The following PRDM10 variants were observed in gnomAD, a reference collection of about 807,000 sequenced individuals.
PRDM10 encodes the protein PR/SET domain 10, also known as PR domain zinc finger protein 10.
PRDM10 carries 65 observed loss-of-function variants against 133.1 expected under a neutral mutation model. The ratio of observed to expected loss-of-function variants is 0.49; its 90% confidence interval spans 0.40 to 0.60. PRDM10 has a LOEUF of 0.60. PRDM10 is among the 20% of genes least tolerant of loss of function. PRDM10 has a pLI of 0.00. For synonymous variants in PRDM10, 582 were observed against 580.4 expected (o/e 1.00, Z -0.04); for missense variants, 1,137 against 1,507.1 (o/e 0.75, Z 4.07).
chr11:129,993,545 T>G (rs142377938), intron 1 of PRDM10, among the ~76,000 whole-genome samples: 1,549 of 152,172 alleles, frequency 0.01, 33 homozygotes, highest in African/African-American at 0.035. Context: ...AGTGCAGTGG[T>G]GCGATCTCGG....
At position 129,985,791 on chromosome 11, in the gene PRDM10, AAAAAAAAAAAAAAAAAAAATAT is replaced by A. The variant is rs1006534974; in HGVS notation, c.-119+16909_-119+16930del. Among the ~76,000 whole-genome samples the A allele has an allele frequency of 3.7e-5, 4 of 109,192 alleles. 1 individual carries two copies. The highest frequency in any genetic ancestry group is 1.6e-4 in the African/African-American group (4 of 25,382). 71.6% of individuals were successfully genotyped at this position (109,192 alleles called of 152,430 possible). On this transcript the variant is annotated intron_variant, in intron 1 of 20. Transcript: ENST00000360871. ...AGACAAACCCTGTCCAAAAAAAAAA[AAAAAAAAAAAAAAAAAAAATAT>A]ATATATATATATATATATATGTATA...
chr11:129,996,100 T>TA (rs1445568888), intron 1 of PRDM10, among the ~76,000 whole-genome samples: 4 of 152,234 alleles, frequency 2.6e-5, no homozygotes, highest in Non-Finnish European at 2.9e-5. Flanking sequence ...GTGAGGGGGC[T>TA]AAAAATCACC....
At chr11:129,982,453 G>A (rs759322571) in intron 1 of PRDM10, among the ~76,000 whole-genome samples, 3 of 151,932 alleles carry the variant, frequency 2.0e-5, no homozygotes, top group Non-Finnish European at 4.4e-5. Context: ...TAGTAGAGAC[G>A]AGGTTTCGCC....
At chr11:129,988,049 A>T (rs528903775) in intron 1 of PRDM10, among the ~76,000 whole-genome samples, 1 of 152,184 alleles carries the variant, frequency 6.6e-6, no homozygotes, top group African/African-American at 2.4e-5. Context: ...TACAACATGG[A>T]TGAACCCTGA....
At chr11:129,934,968 C>G (rs911419386) in intron 9 of PRDM10, 133 bp downstream of exon 9, 9 of 653,434 alleles carry the variant, frequency 1.4e-5, no homozygotes, top group Non-Finnish European at 2.4e-5. Context: ...CAGGTAACAC[C>G]GTTCCCTCAG....
chr11:129,910,244 A>G (rs1002379418), intron 19 of PRDM10, among the ~76,000 whole-genome samples: 2 of 152,206 alleles, frequency 1.3e-5, no homozygotes, highest in Admixed American at 6.5e-5. Flanking sequence ...TCATAGCTAC[A>G]TTTCCTCCAG....
chr11:129,995,675 G>A (rs886879996), intron 1 of PRDM10, among the ~76,000 whole-genome samples: 2 of 152,056 alleles, frequency 1.3e-5, no homozygotes, highest in African/African-American at 2.4e-5. Context: ...GGCAGGGGCC[G>A]TAGCGCACGC....
At chr11:129,984,643 A>G (rs1938311856) in intron 1 of PRDM10, among the ~76,000 whole-genome samples, 1 of 151,584 alleles carries the variant, frequency 6.6e-6, no homozygotes, top group Admixed American at 6.6e-5. Context: ...TGGCACTCAC[A>G]CCCTCTGCAA....
chr11:129,901,358 C>A lies in PRDM10; in HGVS notation c.*955G>T, dbSNP rs1258605032. On this transcript the variant is annotated 3_prime_UTR_variant, in exon 21 of 21. Coordinates refer to ENST00000360871, the MANE Select transcript of PRDM10 (RefSeq NM_199437.2). ...TAATAAAATACACTGAACATGTCAG[C>A]AAGAGTTAAATGTACACTTGGTAAG... 1 of 152,638 alleles carries A rather than the reference C, an allele frequency of 6.6e-6. No homozygotes were observed. Among genetic ancestry groups the A allele is most frequent in the Non-Finnish European group, 1.5e-5 (1 of 68,052 alleles). The allele number at this position is 152,638 out of a possible 1,614,324, so 9.5% of individuals were successfully genotyped here.
chr11:129,906,931 C>T (rs1424774301), intron 19 of PRDM10, among the ~76,000 whole-genome samples: 3 of 151,134 alleles, frequency 2.0e-5, no homozygotes, highest in African/African-American at 7.3e-5. Flanking sequence ...GAGCCAAGAT[C>T]GCACCACTGC....
Position 129,945,137 on chromosome 11 carries a change from T to C in PRDM10, c.521-125A>G. 1 of 1,153,780 alleles carries C rather than the reference T, an allele frequency of 8.7e-7. No homozygotes were observed. Among genetic ancestry groups the C allele is most frequent in the Non-Finnish European group, 1.3e-6 (1 of 799,344 alleles). 71.5% of individuals were successfully genotyped at this position (1,153,780 alleles called of 1,614,324 possible). A position where few individuals can be genotyped will look rare whatever the true frequency, so the allele number is the denominator to read the frequency against. On this transcript the variant is annotated intron_variant, in intron 5 of 20. Coordinates refer to ENST00000360871, the MANE Select transcript of PRDM10 (RefSeq NM_199437.2). This position sits in a 1 kb window ranked among gnomAD's most constrained non-coding sequence, Gnocchi z 4.2. Reference sequence around the variant, plus strand: ...AAGCCAAAATTCAATGAACTCCTAATGGCGCTACCCATTCAACGGTAATAC... The same window carrying C: ...AAGCCAAAATTCAATGAACTCCTAACGGCGCTACCCATTCAACGGTAATAC...
chr11:129,967,750 A>G (rs1338525464), intron 1 of PRDM10, among the ~76,000 whole-genome samples: 1 of 152,178 alleles, frequency 6.6e-6, no homozygotes, highest in Non-Finnish European at 1.5e-5. Flanking sequence ...AGTGATGAAG[A>G]GTGAGGGGAA....
At chr11:129,931,617 G>A (rs573795348) in intron 10 of PRDM10, among the ~76,000 whole-genome samples, 16 of 148,280 alleles carry the variant, frequency 1.1e-4, no homozygotes, top group African/African-American at 3.5e-4. Flanking sequence ...CCCCAGGCTG[G>A]AGTGCAGTGG....
At chr11:129,989,952 C>T (rs1282022901) in intron 1 of PRDM10, among the ~76,000 whole-genome samples, 1 of 152,088 alleles carries the variant, frequency 6.6e-6, no homozygotes, top group African/African-American at 2.4e-5. Flanking sequence ...CCTGTAATCC[C>T]AGCACCTTGA....
chr11:129,973,526 A>G (rs180682786), intron 1 of PRDM10, among the ~76,000 whole-genome samples: 2 of 152,372 alleles, frequency 1.3e-5, no homozygotes, highest in East Asian at 1.9e-4. Flanking sequence ...GTTACACACC[A>G]TCTTTTGATT....
At chr11:129,913,377 T>G (rs984364883) in intron 17 of PRDM10, among the ~76,000 whole-genome samples, 72 of 152,170 alleles carry the variant, frequency 4.7e-4, no homozygotes, top group African/African-American at 1.7e-3. Context: ...TAGAGAAATA[T>G]GCTTCTCACA....
At chr11:129,942,399 A>G (rs745313059) in intron 7 of PRDM10, 27 bp downstream of exon 7, 9 of 1,595,140 alleles carry the variant, frequency 5.6e-6, no homozygotes, top group Non-Finnish European at 7.7e-6. Context: ...GCTAGCAAAT[A>G]GCAGCACGGG....
At chr11:129,972,103 T>C (rs1461246028) in intron 1 of PRDM10, among the ~76,000 whole-genome samples, 1 of 152,234 alleles carries the variant, frequency 6.6e-6, no homozygotes, top group Non-Finnish European at 1.5e-5. Context: ...CAAGGCCGGC[T>C]GGCTGCTCCG....
intron 1 of PRDM10, among the ~76,000 whole-genome samples, chr11:130,002,097 C>G (rs1214853257): frequency 6.6e-6 from 1 of 151,082 alleles, no homozygotes; most frequent in African/African-American, 2.4e-5. Flanking sequence ...GCGCCCGCAA[C>G]CGGCCAGCCC....
Sources: gnomAD v4.1 joint callset for allele counts (sites outside exome capture counted in the v4.1 genomes callset) on GRCh38, gnomAD v4.1.1 for gene constraint, Gnocchi (gnomAD v3.1) non-coding constraint, MANE v1.5 for transcripts, NCBI Gene and HGNC (gene_info 2026-07-23, HGNC 2026-07-21) for gene names.